Variants in PLXNA4 observed in about 807,000 individuals in gnomAD.
PLXNA4 encodes plexin-A4.
Under a neutral mutation model 191.8 loss-of-function variants are expected in PLXNA4, and 44 were observed. The ratio of observed to expected loss-of-function variants is 0.23; its 90% CI spans 0.18 to 0.29. The LOEUF (loss-of-function observed/expected upper bound fraction) is 0.29, where lower values mean the gene tolerates loss of function less well. Ranked by LOEUF, PLXNA4 falls within the 10% of genes least tolerant of loss-of-function variation. The pLI is 1.00. For synonymous variants in PLXNA4, 1,082 were observed against 1,009.5 expected (o/e 1.07, Z -1.36); for missense variants, 1,800 against 2,488.8 (o/e 0.72, Z 5.89).
chr7:132,474,763 C>G (rs754095280), intron 3 of PLXNA4, among the ~76,000 whole-genome samples: 14 of 152,198 alleles, frequency 9.2e-5, no homozygotes, highest in Non-Finnish European at 1.8e-4. Context: ...GCATTTCTAC[C>G]TTGCCTGGGC....
At chr7:132,448,863 T>C (rs537780969) in intron 3 of PLXNA4, among the ~76,000 whole-genome samples, 4 of 152,234 alleles carry the variant, frequency 2.6e-5, no homozygotes, top group African/African-American at 4.8e-5. Flanking sequence ...AGATTTCTTA[T>C]GTAGAAATAT....
chr7:132,167,322 G>C (rs924511444), intron 22 of PLXNA4, among the ~76,000 whole-genome samples: 6 of 152,142 alleles, frequency 3.9e-5, no homozygotes, highest in Non-Finnish European at 8.8e-5. Context: ...AGGCCTCCAG[G>C]GTGTTGAGTG....
intron 14 of PLXNA4, among the ~76,000 whole-genome samples, chr7:132,189,920 T>TA (rs11442882): frequency 0.51 from 78,082 of 152,086 alleles, 24,004 homozygotes; most frequent in African/African-American, 0.85. Flanking sequence ...ATCTCCTTCC[T>TA]AAAGTCTTCC....
At chr7:132,277,160 G>A (rs1305982937) in intron 4 of PLXNA4, among the ~76,000 whole-genome samples, 1 of 152,146 alleles carries the variant, frequency 6.6e-6, no homozygotes, top group Non-Finnish European at 1.5e-5. Flanking sequence ...GGGTTGCTTA[G>A]AAGTCAATTA....
intron 3 of PLXNA4, among the ~76,000 whole-genome samples, chr7:132,326,435 C>A (rs1428618843): frequency 6.6e-6 from 1 of 152,156 alleles, no homozygotes; most frequent in Non-Finnish European, 1.5e-5. Flanking sequence ...GCTCTGATGC[C>A]CTCGAATGGT....
At chr7:132,450,114 C>T (rs920569756) in intron 3 of PLXNA4, among the ~76,000 whole-genome samples, 9 of 152,178 alleles carry the variant, frequency 5.9e-5, no homozygotes, top group Non-Finnish European at 1.2e-4. Flanking sequence ...TACAGGTGAG[C>T]ACACTGATAT....
intron 5 of PLXNA4, among the ~76,000 whole-genome samples, chr7:132,239,701 C>T (rs972158128): frequency 1.3e-5 from 2 of 152,228 alleles, no homozygotes; most frequent in African/African-American, 4.8e-5. Context: ...CTCTGCCATC[C>T]TCTTCTATGC....
At chr7:132,400,986 G>A (rs1010032996) in intron 3 of PLXNA4, among the ~76,000 whole-genome samples, 2 of 152,212 alleles carry the variant, frequency 1.3e-5, no homozygotes, top group African/African-American at 4.8e-5. Flanking sequence ...ATCTGTGCAA[G>A]CAGGCCAGAA....
chr7:132,430,749 T>C (rs1029320120), intron 3 of PLXNA4, among the ~76,000 whole-genome samples: 5 of 152,140 alleles, frequency 3.3e-5, no homozygotes, highest in African/African-American at 1.2e-4. Context: ...TTTAAACATC[T>C]GTAGGTGGTA....
rs564367824 is a variant in PLXNA4 at position 132,222,313 on chromosome 7, T to C, written c.2097+1214A>G. Among the ~76,000 whole-genome samples, 7 of 152,340 alleles carry C rather than the reference T, an allele frequency of 4.6e-5. No homozygotes were observed. The East Asian group carries it at 1.4e-3, about 29-fold the overall frequency. Reference sequence around the variant, plus strand: ...GGAGCCCCCATGCAGCAGGTGTTAGTGTGGGGTGTACATTGACCTTCCCTT... The same window carrying C: ...GGAGCCCCCATGCAGCAGGTGTTAGCGTGGGGTGTACATTGACCTTCCCTT... On this transcript the variant is annotated intron_variant, in intron 9 of 31. Transcript: ENST00000321063.
intron 4 of PLXNA4, among the ~76,000 whole-genome samples, chr7:132,271,481 C>A (rs1172971492): frequency 6.6e-6 from 1 of 151,794 alleles, no homozygotes; most frequent in African/African-American, 2.4e-5. Flanking sequence ...TCCCTCCACC[C>A]CAGTGGTTAC....
chr7:132,591,829 T>C (rs1037547270), intron 2 of PLXNA4, among the ~76,000 whole-genome samples: 1 of 152,152 alleles, frequency 6.6e-6, no homozygotes, highest in African/African-American at 2.4e-5. Flanking sequence ...GAATGCTGCG[T>C]ATTATGTGCT....
intron 26 of PLXNA4, 122 bp downstream of exon 26, chr7:132,148,421 A>T (rs1795498048): frequency 1.4e-6 from 2 of 1,398,800 alleles, no homozygotes; most frequent in Non-Finnish European, 1.9e-6. Context: ...CCTCTGGATC[A>T]CTAAGGGAAC....
At chr7:132,374,247 C>T (rs1563063823) in intron 3 of PLXNA4, among the ~76,000 whole-genome samples, 1 of 152,184 alleles carries the variant, frequency 6.6e-6, no homozygotes, top group Non-Finnish European at 1.5e-5. Flanking sequence ...GGCCTTCATC[C>T]ATGCCTAACT....
intron 9 of PLXNA4, among the ~76,000 whole-genome samples, chr7:132,222,674 C>G (rs1798186853): frequency 6.6e-6 from 1 of 152,220 alleles, no homozygotes; most frequent in South Asian, 2.1e-4. Flanking sequence ...GAAACACTGT[C>G]ATGTTTGAAC....
At position 132,400,082 on chromosome 7, in the gene PLXNA4, C is replaced by A. The variant is rs10249839; in HGVS notation, c.1371+89210G>T. ...CCCACGCCAGTCCACCTCCTACCCC[C>A]GGAGAAAAAATAAAATAAAATTCAT... is the stretch of plus-strand genomic sequence containing the variant. On this transcript the variant is annotated intron_variant, in intron 3 of 31. Transcript: ENST00000321063. Among the ~76,000 whole-genome samples the A allele has an allele frequency of 6.6e-3, 1,004 of 152,112 alleles. 7 individuals carry two copies. Among genetic ancestry groups the A allele is most frequent in the Middle Eastern group, 0.037 (11 of 294 alleles).
intron 1 of PLXNA4, among the ~76,000 whole-genome samples, chr7:132,573,676 A>G (rs1195716566): frequency 1.3e-5 from 2 of 152,284 alleles, no homozygotes; most frequent in African/African-American, 2.4e-5. Flanking sequence ...AAACAAGTTG[A>G]CTGCCTTGGA....
At chr7:132,610,941 C>T (rs984229306) in intron 2 of PLXNA4, among the ~76,000 whole-genome samples, 5 of 152,112 alleles carry the variant, frequency 3.3e-5, no homozygotes, top group African/African-American at 1.2e-4. Flanking sequence ...CTTGTCTGTC[C>T]CCACAAGGAA....
At chr7:132,188,971 A>G (rs1021193307) in intron 14 of PLXNA4, among the ~76,000 whole-genome samples, 2,478 of 60,214 alleles carry the variant, frequency 0.041, 153 homozygotes, top group East Asian at 0.22. Context: ...AAGGAAAGGA[A>G]AGGAAAGGAA....
Sources: allele counts gnomAD v4.1 joint callset (sites outside exome capture counted in the v4.1 genomes callset), GRCh38; gene constraint gnomAD v4.1.1; transcripts MANE v1.5; gene names NCBI Gene and HGNC (gene_info 2026-07-23, HGNC 2026-07-21).